Variants in COL14A1 observed in about 807,000 individuals in gnomAD.
COL14A1 encodes collagen alpha-1(XIV) chain.
A neutral mutation model predicts 230.3 loss-of-function variants in COL14A1; 136 were observed. The observed-to-expected ratio is 0.59, with a 90% CI of 0.51 to 0.68. COL14A1 has a LOEUF of 0.68. Among genes scored for constraint, COL14A1 ranks in the 30% least tolerant of loss-of-function variants. The pLI is 0.00. For synonymous variants in COL14A1, 792 were observed against 784.1 expected (o/e 1.01, Z -0.17); for missense variants, 1,976 against 2,215.8 (o/e 0.89, Z 2.17).
intron 26 of COL14A1, among the ~76,000 whole-genome samples, chr8:120,275,404 G>A (rs188657638): frequency 2.6e-5 from 4 of 151,928 alleles, no homozygotes; most frequent in South Asian, 2.1e-4. Flanking sequence ...GATAACCTGC[G>A]AAAAACTCTT....
At chr8:120,131,182 G>C (rs916749820) in intron 1 of COL14A1, among the ~76,000 whole-genome samples, 1 of 152,152 alleles carries the variant, frequency 6.6e-6, no homozygotes, top group Non-Finnish European at 1.5e-5. Flanking sequence ...ATGAACATAG[G>C]AGTGCATGTG....
intron 37 of COL14A1, among the ~76,000 whole-genome samples, chr8:120,310,798 A>G (rs1163516415): frequency 6.6e-6 from 1 of 152,178 alleles, no homozygotes; most frequent in Admixed American, 6.5e-5. Context: ...GCTGGATCAT[A>G]TCATACTTTT....
intron 21 of COL14A1, among the ~76,000 whole-genome samples, chr8:120,249,307 C>G (rs996350576): frequency 4.6e-5 from 7 of 151,984 alleles, no homozygotes; most frequent in Admixed American, 1.3e-4. Context: ...GTGCTATTGT[C>G]TTCAGGCCCG....
chr8:120,303,090 T>C (rs971996366), intron 36 of COL14A1, among the ~76,000 whole-genome samples: 1 of 152,210 alleles, frequency 6.6e-6, no homozygotes, highest in African/African-American at 2.4e-5. Flanking sequence ...ATTGATTTTA[T>C]ATCCTGAAAC....
rs780065762 is a variant in COL14A1, at chr8:120,208,219, G to C, written c.1192-13G>C. 5 of 1,597,344 alleles carry C rather than the reference G, an allele frequency of 3.1e-6. No homozygotes were observed. The highest frequency in any genetic ancestry group is 4.3e-6 in the Non-Finnish European group (5 of 1,168,628). On this transcript the variant is annotated splice_polypyrimidine_tract_variant and intron_variant, in intron 10 of 47. Coordinates refer to ENST00000297848, the MANE Select transcript of COL14A1 (RefSeq NM_021110.4). ...ATTCCATACTCTCATTACTCAAACT[G>C]TTCTTTAAACAGGTGGTGGTAGATG...
At chr8:120,287,428 T>C (rs1031554269) in intron 33 of COL14A1, among the ~76,000 whole-genome samples, 1 of 152,148 alleles carries the variant, frequency 6.6e-6, no homozygotes, top group African/African-American at 2.4e-5. Flanking sequence ...TATTGCAAAA[T>C]AGTAAAAAAT....
rs758481288 is a variant in COL14A1, at chr8:120,199,474, T to C, written c.785T>C (p.Ile262Thr). Residue 262 changes from isoleucine to threonine, a missense_variant, in exon 8 of 48, where the codon ATT becomes ACT. By Grantham distance (89) the Ile-to-Thr change is moderately conservative. Around this residue, in one of 3 missense-constraint regions of COL14A1, gnomAD observed 1,791 missense variants for 2,019.5 expected, o/e 0.89. Coordinates refer to ENST00000297848, the MANE Select transcript of COL14A1 (RefSeq NM_021110.4). ...EAGSRTGVSKIGILITDGKSQ... is the reference protein window; with the variant it reads ...EAGSRTGVSKTGILITDGKSQ... The stretch of plus-strand genomic sequence containing the variant: ...GGATCAAGGACTGGAGTATCCAAAA[T>C]TGGCATTTTAATCACAGATGGAAAA... 1.2e-6 allele frequency: 2 copies of C among 1,612,784 alleles called. No homozygotes were observed. Among genetic ancestry groups the C allele is most frequent in the Non-Finnish European group, 8.5e-7 (1 of 1,179,512 alleles).
intron 36 of COL14A1, among the ~76,000 whole-genome samples, chr8:120,306,360 G>T (rs1424452748): frequency 1.3e-5 from 2 of 152,088 alleles, no homozygotes; most frequent in East Asian, 3.9e-4. Context: ...TTGAATTGGA[G>T]GGGGAAGAAA....
intron 35 of COL14A1, among the ~76,000 whole-genome samples, 182 bp downstream of exon 35, chr8:120,297,770 T>C (rs1820572354): frequency 6.6e-6 from 1 of 152,070 alleles, no homozygotes; most frequent in African/African-American, 2.4e-5. Context: ...TAGGATCACA[T>C]ACAGCGTGAA....
chr8:120,285,292 G>A (rs1262178196), intron 32 of COL14A1, among the ~76,000 whole-genome samples: 3 of 151,748 alleles, frequency 2.0e-5, no homozygotes, highest in Admixed American at 6.6e-5. Flanking sequence ...AGACCAAGCC[G>A]TCTCTACTAA....
At chr8:120,201,921 G>A (rs1477503273) in intron 8 of COL14A1, among the ~76,000 whole-genome samples, 2 of 148,314 alleles carry the variant, frequency 1.3e-5, no homozygotes, top group Non-Finnish European at 3.0e-5. Flanking sequence ...AAGCAAAATT[G>A]GGCCTATTTT....
intron 40 of COL14A1, among the ~76,000 whole-genome samples, chr8:120,317,283 A>C (rs755783068): frequency 1.1e-4 from 16 of 152,250 alleles, no homozygotes; most frequent in Admixed American, 5.2e-4. Flanking sequence ...ATACTGTTCA[A>C]GAATAATGAA....
intron 9 of COL14A1, among the ~76,000 whole-genome samples, chr8:120,205,160 G>A (rs150854244): frequency 7.2e-5 from 11 of 152,116 alleles, no homozygotes; most frequent in East Asian, 1.9e-4. Flanking sequence ...TGTTTAAAAC[G>A]TTTCAGTCTT....
intron 19 of COL14A1, among the ~76,000 whole-genome samples, chr8:120,235,457 C>A (rs1406046646): frequency 6.6e-6 from 1 of 152,078 alleles, no homozygotes; most frequent in Non-Finnish European, 1.5e-5. Context: ...GCATGCACCA[C>A]CCCTGCCCCC....
chr8:120,370,508 C>T lies in COL14A1; in HGVS notation c.5312-644C>T, dbSNP rs1823550087. 11 of 1,493,194 alleles carry T rather than the reference C, an allele frequency of 7.4e-6. No homozygotes were observed. In the East Asian group the frequency reaches 1.5e-4, roughly 20 times the overall value. 92.5% of individuals were successfully genotyped at this position (1,493,194 alleles called of 1,614,324 possible). ...TTCCCTGCTTCTTCTGCATCCCTGC[C>T]TTCCCACTTTCAAACCTCTTGCCCA... On this transcript the variant is annotated intron_variant, in intron 47 of 47. Transcript: ENST00000297848.
intron 33 of COL14A1, among the ~76,000 whole-genome samples, chr8:120,287,045 G>A (rs1162947510): frequency 6.6e-6 from 1 of 152,042 alleles, no homozygotes; most frequent in Non-Finnish European, 1.5e-5. Flanking sequence ...TCCTAACCAG[G>A]CCCTTACTGC....
chr8:120,217,047 T>C (rs1168164950), intron 14 of COL14A1, among the ~76,000 whole-genome samples: 1 of 152,160 alleles, frequency 6.6e-6, no homozygotes, highest in Non-Finnish European at 1.5e-5. Context: ...GACAGGTCAG[T>C]CACAGGATAG....
intron 40 of COL14A1, among the ~76,000 whole-genome samples, chr8:120,321,719 G>A (rs1436548947): frequency 6.6e-6 from 1 of 151,736 alleles, no homozygotes; most frequent in Non-Finnish European, 1.5e-5. Flanking sequence ...CATCTGCTTT[G>A]CACCCTGGTT....
At chr8:120,237,141 T>A (rs1818468699) in intron 19 of COL14A1, among the ~76,000 whole-genome samples, 1 of 152,216 alleles carries the variant, frequency 6.6e-6, no homozygotes, top group Admixed American at 6.5e-5. Flanking sequence ...ATTTCCTGAA[T>A]TTGAATGTTG....
Sources: gnomAD v4.1 joint callset for allele counts (sites outside exome capture counted in the v4.1 genomes callset) on GRCh38, gnomAD v4.1.1 for gene constraint, gnomAD v4.1.1 regional missense constraint, MANE v1.5 for transcripts, NCBI Gene and HGNC (gene_info 2026-07-23, HGNC 2026-07-21) for gene names.